Variants in TMEM17 observed in about 807,000 individuals in gnomAD.
The protein encoded by TMEM17 is transmembrane protein 17.
TMEM17 carries 15 observed loss-of-function variants against 19.1 expected under a neutral mutation model. The ratio of observed to expected loss-of-function variants is 0.78; its 90% confidence interval spans 0.52 to 1.21. The LOEUF (loss-of-function observed/expected upper bound fraction) is 1.21. Ranked by LOEUF, TMEM17 falls within the 50% of genes most tolerant of loss-of-function variation. The pLI, the probability that TMEM17 is intolerant of heterozygous loss-of-function variation, is 0.00. For synonymous variants in TMEM17, 103 were observed against 86.9 expected (o/e 1.19, Z -1.03); for missense variants, 245 against 242.3 (o/e 1.01, Z -0.07).
At chr2:62,494,799 C>T in the TMEM17 span, among the ~76,000 whole-genome samples, 2 of 152,060 alleles carry the variant, frequency 1.3e-5, no homozygotes, top group Admixed American at 6.5e-5. Context: ...GTCAGGAGAT[C>T]GAGACCATCC....
At position 62,506,166 on chromosome 2, in the gene TMEM17, G is replaced by A. The variant is rs1201872257; in HGVS notation, c.-37C>T. On this transcript the variant is annotated 5_prime_UTR_variant, in exon 1 of 4. Transcript: ENST00000335390. ...AGTATCCCTCACCCCCTCAGACACG[G>A]GCTAGTCTGCGGGCGCTCCGAGGCT... is the stretch of plus-strand genomic sequence containing the variant. 1.3e-6 allele frequency: 2 copies of A among 1,543,634 alleles called. No individual in the cohort carries two copies. Among genetic ancestry groups the A allele is most frequent in the African/African-American group, 1.4e-5 (1 of 71,316 alleles).
At chr2:62,489,139 T>C in the TMEM17 span, among the ~76,000 whole-genome samples, 1 of 152,224 alleles carries the variant, frequency 6.6e-6, no homozygotes, top group African/African-American at 2.4e-5. Context: ...GGATGTGTTT[T>C]CCCTGAGGAT....
intron 3 of TMEM17, chr2:62,501,713 C>A: frequency 2.1e-6 from 1 of 487,408 alleles, no homozygotes; most frequent in Non-Finnish European, 3.6e-6. Flanking sequence ...CAATTAAGTG[C>A]AATATTTAGA....
chr2:62,491,568 C>T, the TMEM17 span: 1 of 152,138 alleles, frequency 6.6e-6, no homozygotes, highest in African/African-American at 2.4e-5. Context: ...AGACATGCCT[C>T]AATTTGAATC....
At chr2:62,483,821 G>A in the TMEM17 span, among the ~76,000 whole-genome samples, 56 of 152,168 alleles carry the variant, frequency 3.7e-4, no homozygotes, top group Non-Finnish European at 4.0e-4. Flanking sequence ...GGCTGGTCTT[G>A]ATCTCCTGAC....
At chr2:62,482,803 G>A in the TMEM17 span, among the ~76,000 whole-genome samples, 6 of 152,332 alleles carry the variant, frequency 3.9e-5, no homozygotes, top group East Asian at 5.8e-4. Flanking sequence ...CATGCCTGAA[G>A]TTTTCTGTGC....
At chr2:62,503,501 C>T (rs116138665) in intron 1 of TMEM17, among the ~76,000 whole-genome samples, 3,307 of 152,248 alleles carry the variant, frequency 0.022, 100 homozygotes, top group African/African-American at 0.074. Flanking sequence ...CCTCTGTGAC[C>T]CTGGATGTCA....
downstream of TMEM17, among the ~76,000 whole-genome samples, chr2:62,499,646 C>G (rs567776545): frequency 1.3e-5 from 2 of 152,100 alleles, no homozygotes; most frequent in South Asian, 4.1e-4. Flanking sequence ...TGAAGTTCAG[C>G]CAAACAACAA....
chr2:62,466,878 C>T, the TMEM17 span, among the ~76,000 whole-genome samples: 2 of 152,166 alleles, frequency 1.3e-5, no homozygotes, highest in African/African-American at 2.4e-5. Flanking sequence ...GAGAGTGTTT[C>T]GTCCAACATT....
At chr2:62,455,880 CTT>C in the TMEM17 span, among the ~76,000 whole-genome samples, 1 of 152,152 alleles carries the variant, frequency 6.6e-6, no homozygotes, top group African/African-American at 2.4e-5. Flanking sequence ...TTGTTATTGT[CTT>C]TTATTATAGC....
chr2:62,488,428 T>A, the TMEM17 span, among the ~76,000 whole-genome samples: 1 of 146,944 alleles, frequency 6.8e-6, no homozygotes, highest in Admixed American at 6.8e-5. Flanking sequence ...GAAGGAGGAG[T>A]AGACAATTTG....
intron 3 of TMEM17, 85 bp downstream of exon 3, chr2:62,502,352 T>C: frequency 2.3e-6 from 2 of 880,882 alleles, no homozygotes; most frequent in East Asian, 2.6e-5. Flanking sequence ...CTGTGCTCTT[T>C]CTGCCACACC....
intron 3 of TMEM17, 142 bp downstream of exon 3, chr2:62,502,295 C>T: frequency 1.9e-6 from 1 of 527,356 alleles, no homozygotes; most frequent in Admixed American, 3.3e-5. Flanking sequence ...GCAAACAGAC[C>T]ACAGTGACAG....
chr2:62,455,407 A>G, the TMEM17 span, among the ~76,000 whole-genome samples: 1 of 152,232 alleles, frequency 6.6e-6, no homozygotes, highest in African/African-American at 2.4e-5. Context: ...TGCAGCTATG[A>G]ACATTCATAG....
chr2:62,469,729 C>A, the TMEM17 span, among the ~76,000 whole-genome samples: 2 of 152,202 alleles, frequency 1.3e-5, no homozygotes, highest in Non-Finnish European at 2.9e-5. Flanking sequence ...ATTCTTGGCT[C>A]CTGAGCATAG....
At chr2:62,463,838 G>A in the TMEM17 span, 1 of 152,190 alleles carries the variant, frequency 6.6e-6, no homozygotes, top group African/African-American at 2.4e-5. Context: ...AAAAACTCCA[G>A]ACTCAGCTGG....
chr2:62,459,841 T>G, the TMEM17 span, among the ~76,000 whole-genome samples: 1 of 152,234 alleles, frequency 6.6e-6, no homozygotes, highest in African/African-American at 2.4e-5. Flanking sequence ...GGTGTGATCA[T>G]AGCACACTGT....
the TMEM17 span, among the ~76,000 whole-genome samples, chr2:62,466,789 A>G: frequency 6.6e-6 from 1 of 152,170 alleles, no homozygotes; most frequent in Non-Finnish European, 1.5e-5. Flanking sequence ...AGGTCAAAGC[A>G]AGTGGGACCT....
Position 62,502,542 on chromosome 2 carries a change from G to C in TMEM17, c.213C>G (p.Ile71Met). 9.5e-6 allele frequency: 15 copies of C among 1,581,982 alleles called. No individual in the cohort carries two copies. Among genetic ancestry groups the C allele is most frequent in the Non-Finnish European group, 1.3e-5 (15 of 1,158,984 alleles). Reference sequence around the variant, plus strand: ...CAATGAATTTGTAGTAGTCAGGTAAGATTGAATACTAAAAGAAAAGCCAAA... The same window carrying C: ...CAATGAATTTGTAGTAGTCAGGTAACATTGAATACTAAAAGAAAAGCCAAA... ...SIMMLHMKYS[I>M]LPDYYKFIVI... Residue 71 changes from isoleucine (I) to methionine (M), a missense_variant, in exon 3 of 4, where the codon ATC (isoleucine) becomes ATG (methionine). By Grantham distance (10) the Ile-to-Met change is conservative. Coordinates refer to ENST00000335390, the MANE Select transcript of TMEM17 (RefSeq NM_198276.3).
Sources: allele counts gnomAD v4.1 joint callset (sites outside exome capture counted in the v4.1 genomes callset), GRCh38; gene constraint gnomAD v4.1.1; transcripts MANE v1.5; gene names NCBI Gene and HGNC (gene_info 2026-07-23, HGNC 2026-07-21).